Variants in TAFA2 observed in about 807,000 individuals in gnomAD.
TAFA2 encodes the protein chemokine-like protein TAFA-2.
A neutral mutation model predicts 18.8 loss-of-function variants in TAFA2; 7 were observed. The ratio of observed to expected loss-of-function variants is 0.37; its 90% CI spans 0.21 to 0.70. The LOEUF (loss-of-function observed/expected upper bound fraction) is 0.70, where lower values mean the gene tolerates loss of function less well. Ranked by LOEUF, TAFA2 falls within the 30% of genes least tolerant of loss-of-function variation. The pLI, the probability that TAFA2 is intolerant of heterozygous loss-of-function variation, is 0.53. For missense variants in TAFA2, 122 were observed against 158.1 expected, an observed-to-expected ratio of 0.77 and a Z score of 1.23; for synonymous variants, 60 against 54.2, an observed-to-expected ratio of 1.11 and a Z score of -0.47.
chr12:62,218,738 T>C (rs2062747804), intron 1 of TAFA2, among the ~76,000 whole-genome samples: 1 of 152,200 alleles, frequency 6.6e-6, no homozygotes. Context: ...ATTTATTTTC[T>C]TTCTCTTTTT....
chr12:62,250,104 G>A (rs913250957), intron 1 of TAFA2, among the ~76,000 whole-genome samples: 1 of 152,154 alleles, frequency 6.6e-6, no homozygotes, highest in Admixed American at 6.5e-5. Context: ...ATGGTGGAAG[G>A]CAGAAGGACT....
At chr12:61,861,597 C>T (rs1166724647) in intron 2 of TAFA2, among the ~76,000 whole-genome samples, 1 of 152,050 alleles carries the variant, frequency 6.6e-6, no homozygotes, top group African/African-American at 2.4e-5. Context: ...AAGCCCAACA[C>T]TTAACAGACA....
At chr12:61,978,650 T>C (rs1164193430) in intron 1 of TAFA2, among the ~76,000 whole-genome samples, 2 of 151,948 alleles carry the variant, frequency 1.3e-5, no homozygotes, top group Admixed American at 6.6e-5. Flanking sequence ...CTGAAAGCAT[T>C]TGAATCCATC....
At chr12:61,760,985 A>G (rs981560881) in intron 2 of TAFA2, among the ~76,000 whole-genome samples, 3 of 151,964 alleles carry the variant, frequency 2.0e-5, no homozygotes, top group African/African-American at 7.2e-5. Flanking sequence ...ATTTCATTAA[A>G]TTCTCATGAA....
chr12:62,069,527 C>T (rs1450853926), intron 1 of TAFA2, among the ~76,000 whole-genome samples: 1 of 152,108 alleles, frequency 6.6e-6, no homozygotes, highest in East Asian at 1.9e-4. Context: ...ATAGCATGAA[C>T]AACTCCCAAT....
At chr12:62,125,310 G>A (rs1443406384) in intron 1 of TAFA2, among the ~76,000 whole-genome samples, 1 of 152,076 alleles carries the variant, frequency 6.6e-6, no homozygotes, top group Non-Finnish European at 1.5e-5. Context: ...CAAGCAAACT[G>A]CTCTAAGCAC....
At chr12:61,729,475 A>G (rs931710058) in intron 4 of TAFA2, among the ~76,000 whole-genome samples, 7 of 151,878 alleles carry the variant, frequency 4.6e-5, no homozygotes, top group African/African-American at 1.4e-4. Flanking sequence ...CTTGTCTTGG[A>G]GCCCTGAATT....
rs182846608 is a variant in TAFA2 at position 61,787,632 on chromosome 12, T to C, written c.107-32608A>G. On this transcript the variant is annotated intron_variant, in intron 2 of 4. Transcript: ENST00000416284. ...AAGTTACACTGTTATAAGCTTAAAG[T>C]AGTCTGTTATAACCACAATTTTTAA... is the stretch of plus-strand genomic sequence containing the variant. Among the ~76,000 whole-genome samples the C allele has an allele frequency of 4.0e-5, 6 of 151,802 alleles. No individual in the cohort carries two copies. In the East Asian group the frequency reaches 1.2e-3, roughly 30 times the overall value.
At chr12:61,941,452 A>C (rs1344545235) in intron 1 of TAFA2, among the ~76,000 whole-genome samples, 1 of 152,212 alleles carries the variant, frequency 6.6e-6, no homozygotes, top group African/African-American at 2.4e-5. Flanking sequence ...GGGAGGAGCC[A>C]AGATGGCCGA....
At chr12:62,094,566 G>GA (rs1868862894) in intron 1 of TAFA2, among the ~76,000 whole-genome samples, 1 of 151,874 alleles carries the variant, frequency 6.6e-6, no homozygotes, top group African/African-American at 2.4e-5. Flanking sequence ...GATAATAACA[G>GA]AAAAAATATA....
chr12:61,976,139 T>C (rs2136671062), intron 1 of TAFA2, among the ~76,000 whole-genome samples: 1 of 151,974 alleles, frequency 6.6e-6, no homozygotes, highest in South Asian at 2.1e-4. Flanking sequence ...ATCACTTTTC[T>C]TTCTTCACCA....
At chr12:61,863,240 T>A (rs1335683933) in intron 2 of TAFA2, among the ~76,000 whole-genome samples, 1 of 152,076 alleles carries the variant, frequency 6.6e-6, no homozygotes, top group Non-Finnish European at 1.5e-5. Flanking sequence ...AGGAGTTCAA[T>A]GTTGATGGGG....
chr12:62,129,072 G>A (rs1870579425), intron 1 of TAFA2, among the ~76,000 whole-genome samples: 1 of 152,016 alleles, frequency 6.6e-6, no homozygotes, highest in Admixed American at 6.6e-5. Flanking sequence ...TTAAGTCACT[G>A]ACCAATAAAT....
chr12:62,008,115 G>A (rs941474361), intron 1 of TAFA2, among the ~76,000 whole-genome samples: 1 of 151,954 alleles, frequency 6.6e-6, no homozygotes, highest in African/African-American at 2.4e-5. Flanking sequence ...TTAACATAAG[G>A]TCCTCATAAC....
At chr12:62,210,453 T>C (rs1245645) in intron 1 of TAFA2, among the ~76,000 whole-genome samples, 32,622 of 152,154 alleles carry the variant, frequency 0.21, 4,376 homozygotes, top group South Asian at 0.33. Flanking sequence ...CATTCAACAT[T>C]GTCAAAATGT....
chr12:62,211,579 CA>C (rs10708260), intron 1 of TAFA2, among the ~76,000 whole-genome samples: 108,422 of 128,188 alleles, frequency 0.85, 45,181 homozygotes, highest in Middle Eastern at 0.93. Context: ...GGCTCCGTCT[CA>C]AAAAAAAAAA....
intron 1 of TAFA2, among the ~76,000 whole-genome samples, chr12:62,064,746 C>G (rs1882442717): frequency 1.3e-5 from 2 of 152,024 alleles, no homozygotes; most frequent in Non-Finnish European, 2.9e-5. Flanking sequence ...TTAAGGTACA[C>G]TTTAGTTCAC....
chr12:61,882,714 C>G (rs1592458481), intron 1 of TAFA2, among the ~76,000 whole-genome samples: 1 of 152,042 alleles, frequency 6.6e-6, no homozygotes, highest in Non-Finnish European at 1.5e-5. Flanking sequence ...ACTTTATTTC[C>G]TTGTGAATAC....
At chr12:61,912,604 C>T (rs574820945) in intron 1 of TAFA2, among the ~76,000 whole-genome samples, 11 of 151,986 alleles carry the variant, frequency 7.2e-5, no homozygotes, top group Non-Finnish European at 1.5e-4. Flanking sequence ...AGAAGAAAGC[C>T]AACCAAATGC....
Sources: gnomAD v4.1 joint callset for allele counts (sites outside exome capture counted in the v4.1 genomes callset) on GRCh38, gnomAD v4.1.1 for gene constraint, MANE v1.5 for transcripts, NCBI Gene and HGNC (gene_info 2026-07-23, HGNC 2026-07-21) for gene names.